Variants in KSR2 observed in about 807,000 individuals in gnomAD.
KSR2 encodes the protein kinase suppressor of ras 2.
In KSR2, 25 loss-of-function variants were observed where a neutral mutation model predicts 107.8. The ratio of observed to expected loss-of-function variants is 0.23; its 90% confidence interval spans 0.17 to 0.32. The LOEUF (loss-of-function observed/expected upper bound fraction) is 0.32, where lower values mean the gene tolerates loss of function less well. Among genes scored for constraint, KSR2 ranks in the 10% least tolerant of loss-of-function variants. KSR2 has a pLI of 1.00. For missense variants in KSR2, 887 were observed against 1,268.9 expected, an observed-to-expected ratio of 0.70 and a Z score of 4.57; for synonymous variants, 480 against 507.0, an observed-to-expected ratio of 0.95 and a Z score of 0.71.
At chr12:117,835,350 G>A (rs971026536) in intron 3 of KSR2, among the ~76,000 whole-genome samples, 2 of 152,120 alleles carry the variant, frequency 1.3e-5, no homozygotes, top group Non-Finnish European at 2.9e-5. Flanking sequence ...GGTATATCAC[G>A]GTTCCTCGCT....
At position 117,950,580 on chromosome 12, in the gene KSR2, A is replaced by C. The variant is rs1401085573; in HGVS notation, c.180+17496T>G. Among the ~76,000 whole-genome samples, 7 of 151,628 alleles carry C rather than the reference A, an allele frequency of 4.6e-5. No individual in the cohort carries two copies. The East Asian group carries it at 1.2e-3, about 26-fold the overall frequency. On this transcript the variant is annotated intron_variant, in intron 1 of 19. Transcript: ENST00000339824. ...CAAAACTTGTCTCCACAAAACATAC[A>C]AGCAAAAAAAATTAGCCAGGCATGG...
intron 7 of KSR2, among the ~76,000 whole-genome samples, chr12:117,571,757 C>T (rs1878909626): frequency 6.6e-6 from 1 of 152,118 alleles, no homozygotes; most frequent in African/African-American, 2.4e-5. Context: ...TCAGACCCTT[C>T]GAATCTAAGG....
intron 1 of KSR2, among the ~76,000 whole-genome samples, chr12:117,867,532 C>A (rs1391384071): frequency 1.3e-5 from 2 of 152,156 alleles, no homozygotes; most frequent in East Asian, 3.8e-4. Context: ...TTTTCAATGA[C>A]GCTGGCCATG....
chr12:117,764,711 C>G (rs545929080), intron 3 of KSR2, among the ~76,000 whole-genome samples: 72 of 152,268 alleles, frequency 4.7e-4, no homozygotes, highest in African/African-American at 1.7e-3. Context: ...AGAGTCAACG[C>G]TGGAGTCGGA....
intron 1 of KSR2, among the ~76,000 whole-genome samples, chr12:117,868,777 G>T (rs1184483387): frequency 1.3e-5 from 2 of 150,480 alleles, no homozygotes; most frequent in Non-Finnish European, 3.0e-5. Flanking sequence ...TTGAGACAGA[G>T]TCTTACTCTG....
At chr12:117,573,813 G>A (rs962549014) in intron 7 of KSR2, among the ~76,000 whole-genome samples, 9 of 152,100 alleles carry the variant, frequency 5.9e-5, no homozygotes, top group Non-Finnish European at 1.3e-4. Flanking sequence ...ACAGGCATGA[G>A]CCACCGTGCC....
At chr12:117,906,867 A>G (rs866124971) in intron 1 of KSR2, among the ~76,000 whole-genome samples, 68 of 152,124 alleles carry the variant, frequency 4.5e-4, no homozygotes, top group Admixed American at 5.2e-4. Context: ...CGTCTCTACA[A>G]AAAAATAAAA....
intron 14 of KSR2, among the ~76,000 whole-genome samples, chr12:117,515,004 T>C (rs1874276047): frequency 6.6e-6 from 1 of 152,178 alleles, no homozygotes; most frequent in Admixed American, 6.5e-5. Context: ...ATCTGCCTAA[T>C]TACTTGGTTG....
At chr12:117,928,413 A>G (rs1055290351) in intron 1 of KSR2, among the ~76,000 whole-genome samples, 2 of 152,058 alleles carry the variant, frequency 1.3e-5, no homozygotes, top group Non-Finnish European at 2.9e-5. Flanking sequence ...TGAACTCCTG[A>G]GCTCAAGCAG....
intron 1 of KSR2, among the ~76,000 whole-genome samples, chr12:117,926,007 G>C (rs1004956159): frequency 2.6e-5 from 4 of 152,114 alleles, no homozygotes; most frequent in African/African-American, 9.7e-5. Context: ...GACCAGCCTG[G>C]CCAACATGGT....
At chr12:117,650,678 A>G (rs1883866303) in intron 5 of KSR2, among the ~76,000 whole-genome samples, 1 of 152,212 alleles carries the variant, frequency 6.6e-6, no homozygotes, top group South Asian at 2.1e-4. Context: ...AAAGGCAAGG[A>G]GTTTAGTGAC....
At chr12:117,848,664 G>A (rs746971765) in intron 3 of KSR2, among the ~76,000 whole-genome samples, 1 of 152,176 alleles carries the variant, frequency 6.6e-6, no homozygotes, top group Non-Finnish European at 1.5e-5. Context: ...CCTTGGAAGG[G>A]CCCCTTGGAG....
At chr12:117,480,058 G>T in intron 16 of KSR2, among the ~76,000 whole-genome samples, 1 of 151,514 alleles carries the variant, frequency 6.6e-6, no homozygotes. Flanking sequence ...GTGTGTGTGT[G>T]TGTTTATCTC....
chr12:117,958,041 C>T (rs1483477150), intron 1 of KSR2, among the ~76,000 whole-genome samples: 2 of 152,116 alleles, frequency 1.3e-5, no homozygotes, highest in African/African-American at 4.8e-5. Context: ...CCATGTTGGC[C>T]AAGCTGGTCT....
rs560677509 is a variant in KSR2 at position 117,813,221 on chromosome 12, G to A, written c.472+42207C>T. ...GCAAAAGGCTTCAGAACATTGGTCTGGGAAGGGATTTTATGAATAAGTCCT... is the reference window on the plus strand; with the variant it reads ...GCAAAAGGCTTCAGAACATTGGTCTAGGAAGGGATTTTATGAATAAGTCCT... On this transcript the variant is annotated intron_variant, in intron 3 of 19. Coordinates refer to ENST00000339824, the MANE Select transcript of KSR2 (RefSeq NM_173598.6). 2.6e-5 allele frequency among the ~76,000 whole-genome samples: 4 copies of A among 152,178 alleles called. No homozygotes were observed. In the East Asian group the frequency reaches 7.7e-4, roughly 29 times the overall value.
At chr12:117,512,610 T>C (rs1228548670) in intron 14 of KSR2, among the ~76,000 whole-genome samples, 1 of 152,200 alleles carries the variant, frequency 6.6e-6, no homozygotes, top group Non-Finnish European at 1.5e-5. Flanking sequence ...CCATGCCTTC[T>C]AATACCCATG....
chr12:117,494,093 C>T (rs16947644), intron 14 of KSR2, among the ~76,000 whole-genome samples: 17,363 of 152,172 alleles, frequency 0.11, 1,689 homozygotes, highest in African/African-American at 0.27. Flanking sequence ...GCTGAACACA[C>T]GAATGAATGA....
intron 7 of KSR2, among the ~76,000 whole-genome samples, chr12:117,575,828 G>C (rs765055796): frequency 1.3e-5 from 2 of 152,190 alleles, no homozygotes; most frequent in Non-Finnish European, 1.5e-5. Flanking sequence ...TTGCCATCTG[G>C]AGCATGGACA....
intron 5 of KSR2, among the ~76,000 whole-genome samples, chr12:117,594,434 G>C (rs2136276229): frequency 1.3e-5 from 2 of 152,292 alleles, no homozygotes; most frequent in Middle Eastern, 6.8e-3. Context: ...CAGACATGGT[G>C]GGGACAGCCT....
Sources: allele counts gnomAD v4.1 joint callset (sites outside exome capture counted in the v4.1 genomes callset), GRCh38; gene constraint gnomAD v4.1.1; transcripts MANE v1.5; gene names NCBI Gene and HGNC (gene_info 2026-07-23, HGNC 2026-07-21).